DPP6: variants seen among roughly 807,000 people sequenced by gnomAD.
The protein encoded by DPP6 is dipeptidyl peptidase like 6, also known as A-type potassium channel modulatory protein DPP6.
A neutral mutation model predicts 122.6 loss-of-function variants in DPP6; 69 were observed. The ratio of observed to expected loss-of-function variants is 0.56; its 90% CI spans 0.46 to 0.69. The LOEUF (loss-of-function observed/expected upper bound fraction) is 0.69, where lower values mean the gene tolerates loss of function less well. Ranked by LOEUF, DPP6 falls within the 30% of genes least tolerant of loss-of-function variation. DPP6 has a pLI of 0.00. For synonymous variants in DPP6, 418 were observed against 433.1 expected (o/e 0.97, Z 0.43); for missense variants, 928 against 1,116.9 (o/e 0.83, Z 2.41).
intron 1 of DPP6, among the ~76,000 whole-genome samples, chr7:154,375,653 C>T (rs1424032158): frequency 2.0e-5 from 3 of 152,126 alleles, no homozygotes; most frequent in Non-Finnish European, 4.4e-5. Flanking sequence ...ATCCACAAGC[C>T]AGGAAGTGAG....
At chr7:154,754,972 G>A (rs368844648) in intron 8 of DPP6, among the ~76,000 whole-genome samples, 1 of 152,026 alleles carries the variant, frequency 6.6e-6, no homozygotes, top group African/African-American at 2.4e-5. Context: ...ACTAGGGCCT[G>A]TCTGTGGGTG....
intron 5 of DPP6, among the ~76,000 whole-genome samples, chr7:154,583,801 C>T (rs1012787604): frequency 5.3e-5 from 8 of 152,126 alleles, no homozygotes; most frequent in African/African-American, 9.7e-5. Context: ...CTGCTGTCTC[C>T]GGGGAACGTA....
upstream of DPP6, among the ~76,000 whole-genome samples, chr7:154,051,457 G>A (rs1271669916): frequency 6.6e-6 from 1 of 151,094 alleles, no homozygotes; most frequent in Admixed American, 6.6e-5. Context: ...GCCGGGAGGG[G>A]AAGAGAAGCC....
chr7:154,876,407 A>G, intron 20 of DPP6: 1 of 309,898 alleles, frequency 3.2e-6, no homozygotes. Context: ...GACCCGGGCC[A>G]GTGTCCACGC....
intron 1 of DPP6, among the ~76,000 whole-genome samples, chr7:154,198,927 C>T (rs1276873379): frequency 6.6e-6 from 1 of 152,126 alleles, no homozygotes; most frequent in Non-Finnish European, 1.5e-5. Context: ...TCCTGGCTTT[C>T]CCTGCTATAG....
intron 1 of DPP6, among the ~76,000 whole-genome samples, chr7:154,080,490 C>G (rs1301946247): frequency 2.0e-5 from 3 of 152,216 alleles, no homozygotes; most frequent in Non-Finnish European, 4.4e-5. Context: ...TGTTATTGCA[C>G]AAATTACAGG....
Position 154,438,649 on chromosome 7 carries a change from C to G in DPP6, c.244-7565C>G, listed in dbSNP as rs145382076. Among the ~76,000 whole-genome samples the G allele has an allele frequency of 5.6e-3, 858 of 152,042 alleles. 2 individuals carry two copies. The highest frequency in any genetic ancestry group is 0.018 in the African/African-American group (751 of 41,482). Reference sequence around the variant, plus strand: ...CTCTTTGAGCTTCTTACCTTTTTGCCTTTGTCTCTTTGCTTTTCATTCTCT... The same window carrying G: ...CTCTTTGAGCTTCTTACCTTTTTGCGTTTGTCTCTTTGCTTTTCATTCTCT... On this transcript the variant is annotated intron_variant, in intron 1 of 25. Coordinates refer to ENST00000377770, the MANE Select transcript of DPP6 (RefSeq NM_130797.4).
At chr7:154,399,623 C>T (rs1815395284) in intron 1 of DPP6, among the ~76,000 whole-genome samples, 1 of 152,080 alleles carries the variant, frequency 6.6e-6, no homozygotes, top group African/African-American at 2.4e-5. Context: ...TGAGAACATC[C>T]TCTGAGAAAA....
In DPP6 at chr7:154,540,546, T is replaced by C; in HGVS notation, c.472T>C (p.Tyr158His). Reference protein sequence around the residue: ...AKWISDTEFIYREQKGTVRLW... With the variant: ...AKWISDTEFIHREQKGTVRLW... ...CTCTCTTACAGATACAGAATTCATCTACAGAGAACAGAAAGGAACAGTGAG... is the reference window on the plus strand; with the variant it reads ...CTCTCTTACAGATACAGAATTCATCCACAGAGAACAGAAAGGAACAGTGAG... The change falls in exon 4 of 26, where the codon TAC becomes CAC. Residue 158 changes from tyrosine to histidine, a missense_variant. Coordinates refer to ENST00000377770, the MANE Select transcript of DPP6 (RefSeq NM_130797.4). 1 of 1,607,176 alleles carries C rather than the reference T, an allele frequency of 6.2e-7. No individual in the cohort carries two copies.
chr7:154,555,487 G>A (rs537492400), intron 4 of DPP6, among the ~76,000 whole-genome samples: 7 of 151,966 alleles, frequency 4.6e-5, no homozygotes, highest in African/African-American at 1.4e-4. Context: ...AAGGGGGGAC[G>A]GATAGCATTA....
At chr7:154,407,307 A>T (rs1445736627) in intron 1 of DPP6, among the ~76,000 whole-genome samples, 1 of 152,202 alleles carries the variant, frequency 6.6e-6, no homozygotes, top group African/African-American at 2.4e-5. Context: ...CATTTGGTTC[A>T]TCATGGTTCC....
chr7:154,125,739 G>A (rs985623917), intron 1 of DPP6, among the ~76,000 whole-genome samples: 2 of 152,124 alleles, frequency 1.3e-5, no homozygotes, highest in Non-Finnish European at 1.5e-5. Context: ...AAGATAATGG[G>A]TTCACATTGC....
At chr7:153,976,356 T>C (rs2531080) in intron 1 of DPP6, among the ~76,000 whole-genome samples, 2 of 152,306 alleles carry the variant, frequency 1.3e-5, no homozygotes, top group African/African-American at 4.8e-5. Flanking sequence ...TGTGGAAATC[T>C]GATCCAGCTA....
chr7:154,073,787 G>C (rs563302437), intron 1 of DPP6, among the ~76,000 whole-genome samples: 1 of 152,250 alleles, frequency 6.6e-6, no homozygotes, highest in South Asian at 2.1e-4. Context: ...TTGAAAGTAA[G>C]TTATTTTTAA....
chr7:153,892,999 C>T (rs2128994552), intron 1 of DPP6, among the ~76,000 whole-genome samples: 1 of 152,272 alleles, frequency 6.6e-6, no homozygotes, highest in East Asian at 1.9e-4. Context: ...CATAATCCTC[C>T]TTGCAGGATT....
chr7:154,075,573 C>T lies in DPP6; in HGVS notation c.243+22510C>T, dbSNP rs377240771. Among the ~76,000 whole-genome samples, 88 of 149,396 alleles carry T rather than the reference C, an allele frequency of 5.9e-4. No homozygotes were observed. The East Asian group carries it at 0.016, about 27-fold the overall frequency. On this transcript the variant is annotated intron_variant, in intron 1 of 25. Transcript: ENST00000377770. ...AACTCAAGAATGGAAAACCAAGTATCGTATGTTCTCGCTTTTAAGTGGGAG... is the reference window on the plus strand; with the variant it reads ...AACTCAAGAATGGAAAACCAAGTATTGTATGTTCTCGCTTTTAAGTGGGAG...
chr7:154,157,657 G>A (rs1373794998), intron 1 of DPP6, among the ~76,000 whole-genome samples: 1 of 152,118 alleles, frequency 6.6e-6, no homozygotes, highest in East Asian at 1.9e-4. Flanking sequence ...ATTTGGGCTG[G>A]GTACGGTGGC....
intron 8 of DPP6, among the ~76,000 whole-genome samples, chr7:154,742,623 G>A (rs1192565542): frequency 6.6e-6 from 1 of 152,314 alleles, no homozygotes; most frequent in East Asian, 1.9e-4. Flanking sequence ...TCCTGATATG[G>A]AGGAGACGCA....
intron 1 of DPP6, among the ~76,000 whole-genome samples, chr7:154,427,443 T>G (rs531606653): frequency 6.6e-6 from 1 of 152,372 alleles, no homozygotes; most frequent in South Asian, 2.1e-4. Flanking sequence ...TAAATAATAC[T>G]TTACTCAAAA....
Sources: gnomAD v4.1 joint callset for allele counts (sites outside exome capture counted in the v4.1 genomes callset) on GRCh38, gnomAD v4.1.1 for gene constraint, MANE v1.5 for transcripts, NCBI Gene and HGNC (gene_info 2026-07-23, HGNC 2026-07-21) for gene names.